The following EPB41L4A variants were observed in gnomAD, a reference collection of about 807,000 sequenced individuals.
The protein encoded by EPB41L4A is erythrocyte membrane protein band 4.1 like 4A, also known as band 4.1-like protein 4A.
EPB41L4A carries 100 observed loss-of-function variants against 108.6 expected under a neutral mutation model. The observed-to-expected ratio is 0.92, with a 90% CI of 0.78 to 1.09. The LOEUF is 1.09. Ranked by LOEUF, EPB41L4A falls within the 50% of genes least tolerant of loss-of-function variation. EPB41L4A has a pLI of 0.00. For missense variants in EPB41L4A, 1,030 were observed against 842.7 expected (o/e 1.22, Z -2.75); for synonymous variants, 319 against 289.0 (o/e 1.10, Z -1.05).
chr5:112,269,429 C>G (rs934539774), intron 4 of EPB41L4A, among the ~76,000 whole-genome samples: 5 of 151,974 alleles, frequency 3.3e-5, no homozygotes, highest in African/African-American at 1.2e-4. Context: ...TTTAAAGTAA[C>G]TATATATTGC....
intron 1 of EPB41L4A, among the ~76,000 whole-genome samples, chr5:112,398,960 A>C (rs1238044076): frequency 6.6e-6 from 1 of 151,936 alleles, no homozygotes; most frequent in East Asian, 1.9e-4. Flanking sequence ...TGACATTAAC[A>C]TCTTAATTAG....
At chr5:112,384,926 C>T (rs1203285908) in intron 1 of EPB41L4A, among the ~76,000 whole-genome samples, 1 of 152,196 alleles carries the variant, frequency 6.6e-6, no homozygotes, top group Non-Finnish European at 1.5e-5. Context: ...AGCTGAGCAG[C>T]CCCATCCATT....
intron 1 of EPB41L4A, among the ~76,000 whole-genome samples, chr5:112,319,078 T>G (rs1755603585): frequency 6.6e-6 from 1 of 152,146 alleles, no homozygotes; most frequent in African/African-American, 2.4e-5. Context: ...AATATCATTC[T>G]CCACTCCTTG....
At chr5:112,362,283 T>TG (rs541085460) in intron 1 of EPB41L4A, among the ~76,000 whole-genome samples, 2 of 4,200 alleles carry the variant, frequency 4.8e-4, no homozygotes, top group Non-Finnish European at 1.0e-3. Context: ...AGCATTAATG[T>TG]TTTTTTTTTT....
intron 9 of EPB41L4A, among the ~76,000 whole-genome samples, chr5:112,254,434 C>T (rs1750922170): frequency 6.6e-6 from 1 of 152,160 alleles, no homozygotes; most frequent in African/African-American, 2.4e-5. Context: ...TGGCATGTTC[C>T]ACCCTGCAGC....
At chr5:112,381,741 G>A (rs904697864) in intron 1 of EPB41L4A, among the ~76,000 whole-genome samples, 2 of 152,204 alleles carry the variant, frequency 1.3e-5, no homozygotes, top group Non-Finnish European at 2.9e-5. Context: ...ATGGCCACTG[G>A]GCTCCCACAA....
intron 1 of EPB41L4A, among the ~76,000 whole-genome samples, chr5:112,406,547 A>G (rs985873): frequency 0.023 from 3,431 of 152,180 alleles, 132 homozygotes; most frequent in African/African-American, 0.069. Flanking sequence ...CTCTCACAGA[A>G]CCTAACCAGG....
chr5:112,165,067 T>C lies in EPB41L4A; in HGVS notation c.1984A>G (p.Thr662Ala), dbSNP rs1760155398. 5.0e-6 allele frequency: 8 copies of C among 1,613,822 alleles called. No individual in the cohort carries two copies. The highest frequency in any genetic ancestry group is 1.1e-5 in the South Asian group (1 of 91,068). Residue 662 changes from threonine (T) to alanine (A), a missense_variant, in exon 23 of 23, where the codon ACA becomes GCA. Coordinates refer to ENST00000261486, the MANE Select transcript of EPB41L4A (RefSeq NM_022140.5). ...SLMEEKPQTS[T>A]NNLAGKHTAK... is the part of the protein sequence containing the mutation. ...GTGTGTTTTCCAGCCAGGTTGTTTGTAGATGTCTGAGGTTTTTCTTCCATC... is the reference window on the plus strand; with the variant it reads ...GTGTGTTTTCCAGCCAGGTTGTTTGCAGATGTCTGAGGTTTTTCTTCCATC...
At chr5:112,412,295 C>A (rs1046701422) in intron 1 of EPB41L4A, among the ~76,000 whole-genome samples, 2 of 152,242 alleles carry the variant, frequency 1.3e-5, no homozygotes, top group African/African-American at 2.4e-5. Context: ...GGAAGGGCTG[C>A]AGGCCCTTTA....
chr5:112,154,423 C>A (rs138022667), intron 12 of EPB41L4A, among the ~76,000 whole-genome samples: 3,296 of 152,272 alleles, frequency 0.022, 59 homozygotes, highest in Non-Finnish European at 0.033. Flanking sequence ...AATTGTTCAG[C>A]ATTTTGATAT....
intron 18 of EPB41L4A, among the ~76,000 whole-genome samples, chr5:112,176,743 C>CTTTTTTTTTTTTTTT (rs59150913): frequency 1.5e-5 from 1 of 65,848 alleles, no homozygotes; most frequent in African/African-American, 6.4e-5. Context: ...ACCAGAGCAA[C>CTTTTTTTTTTTTTTT]TTTTTTTTTT....
chr5:112,205,637 A>C (rs1196674157), intron 13 of EPB41L4A, 133 bp from the exon 14 acceptor site: 1 of 694,194 alleles, frequency 1.4e-6, no homozygotes, highest in Non-Finnish European at 2.4e-6. Context: ...TATACCTGTG[A>C]CTCTAAAAAG....
At chr5:112,151,715 A>G (rs2112806377) in intron 12 of EPB41L4A, among the ~76,000 whole-genome samples, 1 of 148,162 alleles carries the variant, frequency 6.7e-6, no homozygotes, top group East Asian at 2.0e-4. Context: ...GTCCCATATT[A>G]TTTTATATAT....
rs377270658 is a variant in EPB41L4A at position 112,234,635 on chromosome 5, A to C, written c.1086T>G (p.Ala362=). Residue 362 remains alanine, a splice_region_variant and synonymous_variant, in exon 12 of 23, where the codon GCT becomes GCG. Coordinates refer to ENST00000261486, the MANE Select transcript of EPB41L4A (RefSeq NM_022140.5). The part of the protein sequence containing the change: ...YPKRIAQTQP[A]ESNSISRITA... Reference sequence around the variant, plus strand: ...TAACTCAGGGGAACCATGACTTACCAGCTGGCTGTGTTTGTGCTATTCGCT... The same window carrying C: ...TAACTCAGGGGAACCATGACTTACCCGCTGGCTGTGTTTGTGCTATTCGCT... 2.0e-5 allele frequency: 33 copies of C among 1,612,826 alleles called. No individual in the cohort carries two copies. The African/African-American group carries it at 4.4e-4, about 21-fold the overall frequency.
At chr5:112,281,944 G>C (rs1190157613) in intron 2 of EPB41L4A, among the ~76,000 whole-genome samples, 8 of 151,626 alleles carry the variant, frequency 5.3e-5, no homozygotes, top group Admixed American at 5.2e-4. Flanking sequence ...TCCATTTTTT[G>C]ACTTTTTTTT....
At chr5:112,408,784 C>T (rs1762243774) in intron 1 of EPB41L4A, among the ~76,000 whole-genome samples, 4 of 136,240 alleles carry the variant, frequency 2.9e-5, no homozygotes, top group South Asian at 2.4e-4. Flanking sequence ...CAAATGAACA[C>T]AATAAGATGC....
Position 112,195,660 on chromosome 5 carries a change from C to A in EPB41L4A, c.1424+1G>T. 6.2e-7 allele frequency: 1 copy of A among 1,612,670 alleles called. No homozygotes were observed. Among genetic ancestry groups the A allele is most frequent in the South Asian group, 1.1e-5 (1 of 91,020 alleles). Reference sequence around the variant, plus strand: ...CTGTCCTTCCATTTTTGTTTTTTTACCTCCTCCTTTGCTTAAGATCTGAAT... The same window carrying A: ...CTGTCCTTCCATTTTTGTTTTTTTAACTCCTCCTTTGCTTAAGATCTGAAT... On this transcript the variant is annotated splice_donor_variant, in intron 16 of 22. Transcript: ENST00000261486. LOFTEE classifies it high-confidence loss of function.
chr5:112,329,339 T>G (rs1055747226), intron 1 of EPB41L4A, among the ~76,000 whole-genome samples: 2 of 152,220 alleles, frequency 1.3e-5, no homozygotes, highest in Admixed American at 1.3e-4. Flanking sequence ...AAGAGCACCA[T>G]AGTGAAGTTT....
chr5:112,266,379 A>C (rs190257159), intron 4 of EPB41L4A, 49 bp from the exon 5 acceptor site: 2 of 1,341,954 alleles, frequency 1.5e-6, no homozygotes, highest in African/African-American at 1.5e-5. Flanking sequence ...CACTACTCAA[A>C]CCTGAGGTTT....
Sources: gnomAD v4.1 joint callset for allele counts (sites outside exome capture counted in the v4.1 genomes callset) on GRCh38, gnomAD v4.1.1 for gene constraint, MANE v1.5 for transcripts, NCBI Gene and HGNC (gene_info 2026-07-23, HGNC 2026-07-21) for gene names.